Variants in PEX13 observed in about 807,000 individuals in gnomAD.
PEX13 encodes peroxisomal biogenesis factor 13, also known as peroxisome biogenesis factor 13.
Under a neutral mutation model 34.5 loss-of-function variants are expected in PEX13, and 28 were observed. The observed-to-expected ratio is 0.81, with a 90% CI of 0.60 to 1.11. PEX13 has a LOEUF of 1.11. PEX13 is among the 50% of genes most tolerant of loss of function. The probability of loss-of-function intolerance (pLI) is 0.00; values close to 1 mark genes in which losing one functional copy is unlikely to be tolerated. For synonymous variants in PEX13, 177 were observed against 175.1 expected (o/e 1.01, Z -0.09); for missense variants, 550 against 491.0 (o/e 1.12, Z -1.13).
chr2:61,022,358 A>G (rs950835193), intron 1 of PEX13, among the ~76,000 whole-genome samples: 1 of 152,234 alleles, frequency 6.6e-6, no homozygotes, highest in Admixed American at 6.5e-5. Flanking sequence ...GCTGAAAACC[A>G]TGGCACAAGA....
At chr2:61,027,374 A>AC (rs1559032274) in intron 1 of PEX13, among the ~76,000 whole-genome samples, 4 of 151,270 alleles carry the variant, frequency 2.6e-5, no homozygotes, top group Non-Finnish European at 5.9e-5. Flanking sequence ...CACACACACA[A>AC]AAACAGCGAG....
chr2:61,037,865 A>T (rs925825088), intron 2 of PEX13, among the ~76,000 whole-genome samples: 6 of 152,166 alleles, frequency 3.9e-5, no homozygotes, highest in African/African-American at 1.2e-4. Flanking sequence ...TGCTAGCAAG[A>T]CTAATAAAGA....
intron 1 of PEX13, chr2:61,018,100 C>T (rs1680135339): frequency 3.9e-6 from 6 of 1,543,482 alleles, no homozygotes. Flanking sequence ...CTCTCTGGGT[C>T]TCTGTGCTTG....
At chr2:61,019,736 A>G (rs1019299634) in intron 1 of PEX13, among the ~76,000 whole-genome samples, 6 of 152,162 alleles carry the variant, frequency 3.9e-5, no homozygotes, top group Non-Finnish European at 8.8e-5. Context: ...TTCTACTAGC[A>G]CCACACTATC....
At chr2:61,035,754 C>T (rs893707098) in intron 2 of PEX13, among the ~76,000 whole-genome samples, 13 of 152,032 alleles carry the variant, frequency 8.6e-5, no homozygotes, top group East Asian at 1.9e-4. Flanking sequence ...GAGGCCAAGG[C>T]GGGCGGATCA....
intron 1 of PEX13, chr2:61,018,231 G>T (rs1227115427): frequency 3.2e-6 from 5 of 1,551,100 alleles, no homozygotes; most frequent in South Asian, 1.2e-5. Flanking sequence ...GTCCAGCCAC[G>T]GCATCGACAG....
At chr2:61,043,332 T>TAA (rs36040457) in intron 2 of PEX13, among the ~76,000 whole-genome samples, 86 of 73,670 alleles carry the variant, frequency 1.2e-3, no homozygotes, top group African/African-American at 3.4e-3. Flanking sequence ...CTGTCTCTAC[T>TAA]AAAAAAAAAA....
At position 61,050,501 on chromosome 2, in the gene PEX13, A is replaced by G. The variant is rs1269252804; in HGVS notation, c.*1731A>G. 6.6e-6 allele frequency: 1 copy of G among 152,406 alleles called. No homozygotes were observed. The highest frequency in any genetic ancestry group is 1.5e-5 in the Non-Finnish European group (1 of 68,042). 9.4% of individuals were successfully genotyped at this position (152,406 alleles called of 1,614,324 possible). A position where few individuals can be genotyped will look rare whatever the true frequency, so the allele number is the denominator to read the frequency against. ...TTCCCCAGAAAATTGGAAACTTCAT[A>G]TACTTGGCTACGAACATACTACAGA... On this transcript the variant is annotated 3_prime_UTR_variant, in exon 4 of 4. Transcript: ENST00000295030.
At chr2:61,020,099 A>G (rs10198806) in intron 1 of PEX13, among the ~76,000 whole-genome samples, 71,383 of 151,908 alleles carry the variant, frequency 0.47, 18,795 homozygotes, top group African/African-American at 0.68. Context: ...GGTGGCGGGC[A>G]CCTGTAGTCC....
Position 61,017,862 on chromosome 2 carries a change from G to A in PEX13, c.92+11G>A. On this transcript the variant is annotated intron_variant, in intron 1 of 3. Coordinates refer to ENST00000295030, the MANE Select transcript of PEX13 (RefSeq NM_002618.4). ...GGGCCCCACTTTCCAGTGAGTGTGG[G>A]ATTCTTCAGGCTGTGAGTTTAGTGG... 1.3e-6 allele frequency: 2 copies of A among 1,550,116 alleles called. No homozygotes were observed. The highest frequency in any genetic ancestry group is 1.7e-6 in the Non-Finnish European group (2 of 1,146,458).
rs944982208 is a variant in PEX13, at chr2:61,017,789, A to C, written c.30A>C (p.Lys10Asn). 2.6e-6 allele frequency: 4 copies of C among 1,550,104 alleles called. No homozygotes were observed. Among genetic ancestry groups the C allele is most frequent in the Non-Finnish European group, 3.5e-6 (4 of 1,146,848 alleles). The change falls in exon 1 of 4, where the codon AAA (lysine) becomes AAC (asparagine). Residue 10 changes from lysine (K) to asparagine (N), a missense_variant. Transcript: ENST00000295030. ...CGTCCCAGCCGCCACCTCCCCCCAA[A>C]CCCTGGGAGACCCGCCGAATTCCGG... MASQPPPPP[K>N]PWETRRIPGA...
chr2:61,043,948 T>A (rs1680665726), intron 2 of PEX13, among the ~76,000 whole-genome samples: 1 of 152,204 alleles, frequency 6.6e-6, no homozygotes, highest in Non-Finnish European at 1.5e-5. Context: ...CAGACTTAGT[T>A]AAATTCTGAG....
intron 1 of PEX13, among the ~76,000 whole-genome samples, chr2:61,027,717 C>T (rs1455308134): frequency 6.6e-6 from 1 of 152,178 alleles, no homozygotes; most frequent in African/African-American, 2.4e-5. Flanking sequence ...TGTTTAGTTT[C>T]TCTTCCATAA....
chr2:61,033,491 G>A (rs1680485612), intron 2 of PEX13, among the ~76,000 whole-genome samples: 1 of 152,172 alleles, frequency 6.6e-6, no homozygotes, highest in Non-Finnish European at 1.5e-5. Flanking sequence ...AATTCTCAGA[G>A]CTAGGGATAT....
In PEX13 at chr2:61,045,809, A is replaced by G. The variant is rs1444535263; in HGVS notation, c.871A>G (p.Ile291Val). The change falls in exon 3 of 4, where the codon ATT becomes GTT. Residue 291 changes from isoleucine (I) to valine (V), a missense_variant. Ile to Val is a conservative substitution (Grantham distance 29). Coordinates refer to ENST00000295030, the MANE Select transcript of PEX13 (RefSeq NM_002618.4). ...YDFAAVSEEE[I>V]SFRAGDMLNL... ...TTTTGCTGCCGTATCTGAAGAAGAAATTTCTTTCCGGGCTGGTGATATGCT... is the reference window on the plus strand; with the variant it reads ...TTTTGCTGCCGTATCTGAAGAAGAAGTTTCTTTCCGGGCTGGTGATATGCT... The G allele has an allele frequency of 1.9e-6, 3 of 1,613,470 alleles. No individual in the cohort carries two copies. The highest frequency in any genetic ancestry group is 2.2e-5 in the East Asian group (1 of 44,856).
In PEX13 at chr2:61,048,842, G is replaced by T. The variant is rs1680752494; in HGVS notation, c.*72G>T. 1 of 1,226,722 alleles carries T rather than the reference G, an allele frequency of 8.2e-7. No homozygotes were observed. Among genetic ancestry groups the T allele is most frequent in the South Asian group, 1.3e-5 (1 of 79,974 alleles). The allele number at this position is 1,226,722 out of a possible 1,614,324, so 76.0% of individuals were successfully genotyped here. ...TTAAAATTATTTCTCACAAAGAAATGAATGTACAATCCAATGAAAACATTT... is the reference window on the plus strand; with the variant it reads ...TTAAAATTATTTCTCACAAAGAAATTAATGTACAATCCAATGAAAACATTT... On this transcript the variant is annotated 3_prime_UTR_variant, in exon 4 of 4. Coordinates refer to ENST00000295030, the MANE Select transcript of PEX13 (RefSeq NM_002618.4).
chr2:61,048,045 A>G (rs916022051), intron 3 of PEX13, among the ~76,000 whole-genome samples: 3 of 152,190 alleles, frequency 2.0e-5, no homozygotes, highest in Non-Finnish European at 4.4e-5. Context: ...TTTTTGCCAA[A>G]AGTAGGCTAA....
At chr2:61,048,189 A>G (rs1318823116) in intron 3 of PEX13, among the ~76,000 whole-genome samples, 2 of 152,212 alleles carry the variant, frequency 1.3e-5, no homozygotes, top group Non-Finnish European at 2.9e-5. Flanking sequence ...TTCAGTTTTG[A>G]GAGAACTAAA....
At chr2:61,036,036 T>C (rs773621434) in intron 2 of PEX13, among the ~76,000 whole-genome samples, 6 of 148,948 alleles carry the variant, frequency 4.0e-5, no homozygotes, top group Non-Finnish European at 7.4e-5. Context: ...ATATCAGTGA[T>C]TGAAGATCAA....
Sources: gnomAD v4.1 joint callset for allele counts (sites outside exome capture counted in the v4.1 genomes callset) on GRCh38, gnomAD v4.1.1 for gene constraint, MANE v1.5 for transcripts, NCBI Gene and HGNC (gene_info 2026-07-23, HGNC 2026-07-21) for gene names.